Variants in NAA35 observed in about 807,000 individuals in gnomAD.
NAA35 encodes N-alpha-acetyltransferase 35, NatC auxiliary subunit.
NAA35 carries 18 observed loss-of-function variants against 101.7 expected under a neutral mutation model. That is an observed-to-expected ratio of 0.18 (90% CI 0.12 to 0.26). The LOEUF (loss-of-function observed/expected upper bound fraction) is 0.26. NAA35 is among the 10% of genes least tolerant of loss of function. The probability of loss-of-function intolerance (pLI) is 1.00; values close to 1 mark genes in which losing one functional copy is unlikely to be tolerated. For synonymous variants in NAA35, 267 were observed against 273.1 expected (o/e 0.98, Z 0.22); for missense variants, 601 against 886.8 (o/e 0.68, Z 4.09).
rs750780761 is a variant in NAA35, at chr9:85,942,225, G to A, written c.66G>A (p.Met22Ile). 7 of 1,614,020 alleles carry A rather than the reference G, an allele frequency of 4.3e-6. No homozygotes were observed. The East Asian group carries it at 1.6e-4, about 36-fold the overall frequency. ...GGGAGCTCAGTATGCCAGAAAAAAT[G>A]GAGAAAAGCAATACAAACTGGGTGG... ...SGWELSMPEK[M>I]EKSNTNWVDI... The change falls in exon 2 of 23, where the codon ATG (methionine) becomes ATA (isoleucine). Residue 22 changes from methionine to isoleucine, a missense_variant. By Grantham distance (10) the Met-to-Ile change is conservative. Transcript: ENST00000361671.
At chr9:86,008,242 T>C (rs1222080614) in intron 14 of NAA35, among the ~76,000 whole-genome samples, 1 of 152,174 alleles carries the variant, frequency 6.6e-6, no homozygotes, top group Non-Finnish European at 1.5e-5. Context: ...TTTGTATTTT[T>C]AGTAGAGATG....
At chr9:86,005,634 A>G (rs1831601114) in intron 13 of NAA35, among the ~76,000 whole-genome samples, 1 of 152,230 alleles carries the variant, frequency 6.6e-6, no homozygotes, top group South Asian at 2.1e-4. Flanking sequence ...GTGAGATTAT[A>G]GGATATGAAG....
chr9:86,016,615 A>G lies in NAA35; in HGVS notation c.1645A>G (p.Arg549Gly). Residue 549 changes from arginine to glycine, a missense_variant, in exon 18 of 23, where the codon AGG (arginine) becomes GGG (glycine). By Grantham distance (125) the Arg-to-Gly change is moderately radical. This residue lies in a region of NAA35 where 99 missense variants were observed against 206.7 expected (regional missense o/e 0.48). Transcript: ENST00000361671. ...CGATGGCTCTCAAATGGCAGAGGAAAGGATAATGGAAGAGCAGCAGAAAGG... is the reference window on the plus strand; with the variant it reads ...CGATGGCTCTCAAATGGCAGAGGAAGGGATAATGGAAGAGCAGCAGAAAGG... ...RADGSQMAEERIMEEQQKGRS... is the reference protein window; with the variant it reads ...RADGSQMAEEGIMEEQQKGRS... The G allele has an allele frequency of 6.2e-7, 1 of 1,614,066 alleles. No individual in the cohort carries two copies. The highest frequency in any genetic ancestry group is 8.5e-7 in the Non-Finnish European group (1 of 1,179,974).
chr9:85,983,834 A>T (rs1269474769), intron 11 of NAA35, among the ~76,000 whole-genome samples: 1 of 152,158 alleles, frequency 6.6e-6, no homozygotes, highest in Non-Finnish European at 1.5e-5. Flanking sequence ...GACAAAAATA[A>T]GTAGGAAGTT....
intron 12 of NAA35, among the ~76,000 whole-genome samples, chr9:86,002,044 C>T (rs566426756): frequency 3.9e-5 from 6 of 152,266 alleles, no homozygotes; most frequent in African/African-American, 1.2e-4. Context: ...TCAAGATCCT[C>T]TTGTAAGGTA....
intron 2 of NAA35, among the ~76,000 whole-genome samples, chr9:85,946,529 A>G (rs1480015400): frequency 3.9e-5 from 6 of 152,174 alleles, no homozygotes; most frequent in Non-Finnish European, 7.3e-5. Context: ...ATATGGGCCC[A>G]ATCTTTCATT....
At chr9:85,991,765 A>G (rs1287000521) in intron 11 of NAA35, among the ~76,000 whole-genome samples, 2 of 152,154 alleles carry the variant, frequency 1.3e-5, no homozygotes, top group Non-Finnish European at 2.9e-5. Context: ...CAGAACCTGT[A>G]AATATTACTT....
At chr9:85,959,923 T>C in intron 5 of NAA35, 56 bp downstream of exon 5, 5 of 1,329,794 alleles carry the variant, frequency 3.8e-6, no homozygotes, top group Non-Finnish European at 5.3e-6. Context: ...TACCTGAATC[T>C]TGTGATTTAA....
chr9:85,962,490 C>CAAAAAAAAAAAAA (rs781302881), intron 6 of NAA35, among the ~76,000 whole-genome samples: 4 of 85,924 alleles, frequency 4.7e-5, no homozygotes, highest in African/African-American at 9.7e-5. Context: ...GACTCTGTCT[C>CAAAAAAAAAAAAA]AAAAAAAAAA....
intron 15 of NAA35, among the ~76,000 whole-genome samples, chr9:86,010,471 A>G (rs944389845): frequency 7.2e-5 from 11 of 151,902 alleles, no homozygotes; most frequent in Non-Finnish European, 1.6e-4. Context: ...GACCATAGAT[A>G]GGGAATGTTA....
At chr9:85,949,487 G>T (rs1462313208) in intron 2 of NAA35, among the ~76,000 whole-genome samples, 4 of 151,844 alleles carry the variant, frequency 2.6e-5, no homozygotes, top group African/African-American at 9.7e-5. Flanking sequence ...TAGAGACGGG[G>T]TTTCACTGTG....
chr9:86,017,960 C>T (rs1360715946), intron 19 of NAA35, among the ~76,000 whole-genome samples: 4 of 152,140 alleles, frequency 2.6e-5, no homozygotes, highest in Admixed American at 6.5e-5. Context: ...AGCTCCACAA[C>T]GAATGGCTTA....
chr9:85,951,822 G>C (rs1412484657), intron 2 of NAA35, among the ~76,000 whole-genome samples: 1 of 152,122 alleles, frequency 6.6e-6, no homozygotes, highest in Non-Finnish European at 1.5e-5. Context: ...ACCATGCCTG[G>C]CTAATTTTTG....
At chr9:86,000,477 C>G (rs1831377002) in intron 12 of NAA35, among the ~76,000 whole-genome samples, 1 of 151,898 alleles carries the variant, frequency 6.6e-6, no homozygotes, top group African/African-American at 2.4e-5. Context: ...ATGGTACCAG[C>G]TCTTCTTTGT....
At position 85,980,700 on chromosome 9, in the gene NAA35, T is replaced by G. The variant is rs531323235; in HGVS notation, c.877+2319T>G. On this transcript the variant is annotated intron_variant, in intron 11 of 22. Transcript: ENST00000361671. ...GCATATTGTTGGCACTCAGATTTTA[T>G]TTATGAAATATGCCTTAAAAAGAAT... 2.0e-5 allele frequency among the ~76,000 whole-genome samples: 3 copies of G among 152,328 alleles called. No individual in the cohort carries two copies. The South Asian group carries it at 6.2e-4, about 32-fold the overall frequency.
At chr9:85,972,041 C>T (rs1830020543) in intron 6 of NAA35, among the ~76,000 whole-genome samples, 1 of 152,268 alleles carries the variant, frequency 6.6e-6, no homozygotes, top group Admixed American at 6.5e-5. Flanking sequence ...CTTGTTCTCA[C>T]TTATCCAATA....
At chr9:85,986,514 A>C (rs1436249755) in intron 11 of NAA35, 1 of 463,966 alleles carries the variant, frequency 2.2e-6, no homozygotes, top group South Asian at 1.6e-5. Context: ...AGTCAGAGAT[A>C]ATGTGTAAAA....
intron 2 of NAA35, among the ~76,000 whole-genome samples, chr9:85,943,484 C>T (rs1828613222): frequency 6.6e-6 from 1 of 151,994 alleles, no homozygotes. Flanking sequence ...ACTTGGGGCA[C>T]CTGCAGGTGG....
intron 11 of NAA35, among the ~76,000 whole-genome samples, chr9:85,993,546 A>G (rs929108048): frequency 6.6e-6 from 1 of 152,204 alleles, no homozygotes; most frequent in African/African-American, 2.4e-5. Flanking sequence ...GAAATTGCAC[A>G]AAAAAACCTT....
Sources: gnomAD v4.1 joint callset for allele counts (sites outside exome capture counted in the v4.1 genomes callset) on GRCh38, gnomAD v4.1.1 for gene constraint, gnomAD v4.1.1 regional missense constraint, MANE v1.5 for transcripts, NCBI Gene and HGNC (gene_info 2026-07-23, HGNC 2026-07-21) for gene names.